SLC12A7: variants seen among roughly 807,000 people sequenced by gnomAD.
SLC12A7 encodes solute carrier family 12 member 7.
A neutral mutation model predicts 120.6 loss-of-function variants in SLC12A7; 100 were observed. The observed-to-expected ratio is 0.83, with a 90% CI of 0.71 to 0.98. SLC12A7 has a LOEUF of 0.98. SLC12A7 is among the 50% of genes least tolerant of loss of function. The probability of loss-of-function intolerance (pLI) is 0.00; values close to 1 mark genes in which losing one functional copy is unlikely to be tolerated. For synonymous variants in SLC12A7, 760 were observed against 678.0 expected (o/e 1.12, Z -1.88); for missense variants, 1,373 against 1,548.1 (o/e 0.89, Z 1.90).
the SLC12A7 span, among the ~76,000 whole-genome samples, chr5:1,137,563 C>T: frequency 1.3e-5 from 2 of 150,798 alleles, no homozygotes; most frequent in Non-Finnish European, 2.9e-5. Flanking sequence ...GACGTCCAGA[C>T]CCCCCGAGCA....
At chr5:1,093,756 T>C (rs1319868710) in intron 2 of SLC12A7, 101 bp from the exon 3 acceptor site, 21 of 1,519,900 alleles carry the variant, frequency 1.4e-5, no homozygotes, top group East Asian at 2.3e-5. Flanking sequence ...CCTCCCCGGG[T>C]CCTCAGCCCC....
At chr5:1,081,344 G>A (rs931852995) in intron 9 of SLC12A7, among the ~76,000 whole-genome samples, 92 of 151,708 alleles carry the variant, frequency 6.1e-4, no homozygotes, top group East Asian at 1.9e-4. Flanking sequence ...CTGGGGTCCC[G>A]GCTGCCCCCC....
chr5:1,056,523 C>T (rs778917124), intron 22 of SLC12A7: 3 of 917,576 alleles, frequency 3.3e-6, no homozygotes, highest in Non-Finnish European at 3.9e-6. Context: ...GCCACACACA[C>T]ACAGGCATGC....
At chr5:1,110,521 G>A (rs531512064) in intron 1 of SLC12A7, among the ~76,000 whole-genome samples, 27 of 152,372 alleles carry the variant, frequency 1.8e-4, no homozygotes, top group African/African-American at 6.3e-4. Context: ...GACACTTACA[G>A]TCTAAAGACA....
the SLC12A7 span, among the ~76,000 whole-genome samples, chr5:1,152,577 C>T: frequency 2.0e-5 from 3 of 151,180 alleles, no homozygotes; most frequent in Non-Finnish European, 4.4e-5. Context: ...ATCCCCCAAG[C>T]TAGAGAAGGG....
At chr5:1,062,976 A>C (rs1172731994) in intron 20 of SLC12A7, 1 of 153,486 alleles carries the variant, frequency 6.5e-6, no homozygotes, top group Non-Finnish European at 1.5e-5. Context: ...AAGTCCCGGG[A>C]CCGCCAGCAG....
At chr5:1,097,963 C>T (rs959275181) in intron 1 of SLC12A7, among the ~76,000 whole-genome samples, 1 of 151,992 alleles carries the variant, frequency 6.6e-6, no homozygotes, top group African/African-American at 2.4e-5. Context: ...CTGGTTAAAA[C>T]AGCCAGGTCA....
At chr5:1,145,096 C>G in the SLC12A7 span, among the ~76,000 whole-genome samples, 1 of 152,238 alleles carries the variant, frequency 6.6e-6, no homozygotes, top group African/African-American at 2.4e-5. This position sits in a 1 kb window ranked among gnomAD's most constrained non-coding sequence, Gnocchi z 4.4. Context: ...CGTGGGACAG[C>G]AGCTGGAGGC....
intron 5 of SLC12A7, among the ~76,000 whole-genome samples, 157 bp downstream of exon 5, chr5:1,088,149 G>A (rs901436333): frequency 3.3e-5 from 5 of 152,226 alleles, no homozygotes; most frequent in Non-Finnish European, 5.9e-5. Flanking sequence ...CGGCTCAAAC[G>A]CCAGAGGAGC....
intron 1 of SLC12A7, among the ~76,000 whole-genome samples, chr5:1,107,986 GC>G (rs1292293461): frequency 2.0e-5 from 3 of 151,380 alleles, no homozygotes; most frequent in Non-Finnish European, 4.4e-5. Flanking sequence ...TGTGGAGGAA[GC>G]CCCAGCCCCT....
At chr5:1,088,436 T>C in intron 4 of SLC12A7, 76 bp from the exon 5 acceptor site, 1 of 1,473,744 alleles carries the variant, frequency 6.8e-7, no homozygotes, top group Non-Finnish European at 9.3e-7. Flanking sequence ...CAAGTCAGGG[T>C]CTATGACCCG....
intron 1 of SLC12A7, among the ~76,000 whole-genome samples, chr5:1,102,191 C>T (rs569599965): frequency 2.6e-5 from 4 of 152,264 alleles, no homozygotes; most frequent in Admixed American, 6.5e-5. Flanking sequence ...ACGAGTGTCC[C>T]GGCCAGAGGA....
rs1739470547 is a variant in SLC12A7, at chr5:1,083,664, C to CT, written c.1129+80dup. On this transcript the variant is annotated intron_variant, in intron 8 of 23. Transcript: ENST00000264930. Reference sequence around the variant, plus strand: ...AGGAATTGGGGCCCTGAGAGTGACTCTAAGGCGAGAGCAGCCACCAGGGCC... The same window carrying CT: ...AGGAATTGGGGCCCTGAGAGTGACTCTTAAGGCGAGAGCAGCCACCAGGGCC... 108 of 1,442,356 alleles carry CT rather than the reference C, an allele frequency of 7.5e-5. 1 individual carries two copies. In the South Asian group the frequency reaches 1.2e-3, roughly 15 times the overall value. The allele number at this position is 1,442,356 out of a possible 1,614,324, so 89.3% of individuals were successfully genotyped here.
intron 22 of SLC12A7, among the ~76,000 whole-genome samples, chr5:1,054,758 CAT>C (rs1236119684): frequency 6.6e-6 from 1 of 152,238 alleles, no homozygotes; most frequent in Non-Finnish European, 1.5e-5. Flanking sequence ...GCTTAAGCCA[CAT>C]AAACGTGATC....
intron 1 of SLC12A7, among the ~76,000 whole-genome samples, chr5:1,096,729 GA>G (rs1741197538): frequency 2.7e-5 from 1 of 36,550 alleles, no homozygotes; most frequent in Non-Finnish European, 5.7e-5. Context: ...GGAAAGGAGG[GA>G]GGGGGGAAGG....
the SLC12A7 span, among the ~76,000 whole-genome samples, chr5:1,138,492 C>G: frequency 6.6e-6 from 1 of 152,212 alleles, no homozygotes; most frequent in Non-Finnish European, 1.5e-5. Context: ...CCACCCTACC[C>G]AGAGGCCCAG....
At chr5:1,084,707 C>T (rs1739619605) in intron 7 of SLC12A7, among the ~76,000 whole-genome samples, 1 of 152,134 alleles carries the variant, frequency 6.6e-6, no homozygotes, top group Non-Finnish European at 1.5e-5. Context: ...GCTCCCTCCA[C>T]GCAGAGACGG....
Position 1,076,118 on chromosome 5 carries a change from C to T in SLC12A7, c.1847+20G>A. ...GTCCCAGCCTGTGGGGCTCCTCACG[C>T]CCGTGCTGAGTGGCCTCACCAGTGG... On this transcript the variant is annotated intron_variant, in intron 14 of 23. Transcript: ENST00000264930. 1.3e-6 allele frequency: 2 copies of T among 1,594,780 alleles called. No individual in the cohort carries two copies. Among genetic ancestry groups the T allele is most frequent in the Non-Finnish European group, 1.7e-6 (2 of 1,168,864 alleles).
Position 1,052,421 on chromosome 5 carries a change from C to T in SLC12A7, c.3191G>A (p.Gly1064Glu), listed in dbSNP as rs766126047. 4.2e-5 allele frequency: 67 copies of T among 1,612,786 alleles called. No homozygotes were observed. The highest frequency in any genetic ancestry group is 1.0e-5 in the Non-Finnish European group (12 of 1,179,980). ...CCTGACCAGGAGGACTCTGTTCAGCCCCTCGGTCAGGACTTCAAGAAACTC... is the reference window on the plus strand; with the variant it reads ...CCTGACCAGGAGGACTCTGTTCAGCTCCTCGGTCAGGACTTCAAGAAACTC... The part of the protein sequence containing the change: ...YMEFLEVLTE[G>E]LNRVLLVRGG... The change falls in exon 24 of 24, where the codon GGG (glycine) becomes GAG (glutamate). Residue 1064 changes from glycine to glutamate, a missense_variant. By Grantham distance (98) the Gly-to-Glu change is moderately conservative. Transcript: ENST00000264930.
Sources: gnomAD v4.1 joint callset for allele counts (sites outside exome capture counted in the v4.1 genomes callset) on GRCh38, gnomAD v4.1.1 for gene constraint, Gnocchi (gnomAD v3.1) non-coding constraint, MANE v1.5 for transcripts, NCBI Gene and HGNC (gene_info 2026-07-23, HGNC 2026-07-21) for gene names.